The following CFAP65 variants were observed in gnomAD, a reference collection of about 807,000 sequenced individuals.
CFAP65 encodes cilia- and flagella-associated protein 65.
In CFAP65, 155 loss-of-function variants were observed where a neutral mutation model predicts 208.0. That is an observed-to-expected ratio of 0.75 (90% confidence interval 0.65 to 0.85). The LOEUF (loss-of-function observed/expected upper bound fraction) is 0.85, where lower values mean the gene tolerates loss of function less well. Ranked by LOEUF, CFAP65 falls within the 40% of genes least tolerant of loss-of-function variation. The pLI is 0.00. For missense variants in CFAP65, 2,294 were observed against 2,451.3 expected, an observed-to-expected ratio of 0.94 and a Z score of 1.36; for synonymous variants, 970 against 986.3, an observed-to-expected ratio of 0.98 and a Z score of 0.31.
intron 2 of CFAP65, chr2:219,039,338 G>A: frequency 4.6e-6 from 1 of 218,052 alleles, no homozygotes; most frequent in Non-Finnish European, 9.1e-6. Flanking sequence ...CCTTTAGCTG[G>A]CTTCTTTTAG....
intron 15 of CFAP65, 117 bp from the exon 16 acceptor site, chr2:219,023,548 G>A: frequency 1.4e-6 from 1 of 724,816 alleles, no homozygotes; most frequent in Non-Finnish European, 2.4e-6. Context: ...GGCAGTCAAA[G>A]GCCCTCTGCC....
chr2:219,019,190 C>T lies in CFAP65; in HGVS notation c.3474-11G>A, dbSNP rs1324483579. ...GGGATCTGGCTCATGCTGTGAGGAA[C>T]AGAGAAAGGGGTTCAGAGATGGGGA... On this transcript the variant is annotated splice_polypyrimidine_tract_variant and intron_variant, in intron 20 of 34. Coordinates refer to ENST00000341552, the MANE Select transcript of CFAP65 (RefSeq NM_194302.4). 1 of 1,606,836 alleles carries T rather than the reference C, an allele frequency of 6.2e-7. No individual in the cohort carries two copies. The highest frequency in any genetic ancestry group is 8.5e-7 in the Non-Finnish European group (1 of 1,175,650).
intron 15 of CFAP65, 117 bp downstream of exon 15, chr2:219,023,895 TGGA>T: frequency 8.1e-7 from 1 of 1,236,560 alleles, no homozygotes; most frequent in Non-Finnish European, 1.1e-6. Context: ...TGCTACTTCC[TGGA>T]GGAGAAGTGG....
chr2:219,037,409 C>G (rs768928829), intron 4 of CFAP65, among the ~76,000 whole-genome samples: 1 of 152,254 alleles, frequency 6.6e-6, no homozygotes, highest in East Asian at 1.9e-4. Context: ...GAAAAACAAA[C>G]AAACAAACAA....
chr2:219,031,799 C>A lies in CFAP65; in HGVS notation c.646-141G>T. 3 of 933,818 alleles carry A rather than the reference C, an allele frequency of 3.2e-6. No individual in the cohort carries two copies. Among genetic ancestry groups the A allele is most frequent in the Non-Finnish European group, 4.8e-6 (3 of 625,948 alleles). 57.8% of individuals were successfully genotyped at this position (933,818 alleles called of 1,614,324 possible). A position where few individuals can be genotyped will look rare whatever the true frequency, so the allele number is the denominator to read the frequency against. The stretch of plus-strand genomic sequence containing the variant: ...CACCCACGTCAGACTCTGAGGGGAG[C>A]TGGGCACCTATGTTGTCTTGGTCTC... On this transcript the variant is annotated intron_variant, in intron 6 of 34. Coordinates refer to ENST00000341552, the MANE Select transcript of CFAP65 (RefSeq NM_194302.4). This position sits in a 1 kb window ranked among gnomAD's most constrained non-coding sequence, Gnocchi z 5.2.
chr2:219,003,388 C>T lies in CFAP65; in HGVS notation c.5556-116G>A, dbSNP rs1338809347. ...TCTACGGAGATTCCCATTCGACTCC[C>T]CTCATCCACTACACTATGGGGCATT... On this transcript the variant is annotated intron_variant, in intron 33 of 34. Transcript: ENST00000341552. This position sits in a 1 kb window ranked among gnomAD's most constrained non-coding sequence, Gnocchi z 4.4. The T allele has an allele frequency of 5.5e-6, 7 of 1,261,994 alleles. No homozygotes were observed. The highest frequency in any genetic ancestry group is 7.4e-6 in the Non-Finnish European group (7 of 942,590). 78.2% of individuals were successfully genotyped at this position (1,261,994 alleles called of 1,614,324 possible).
chr2:219,013,172 C>T, intron 24 of CFAP65, 87 bp downstream of exon 24: 1 of 937,556 alleles, frequency 1.1e-6, no homozygotes, highest in Non-Finnish European at 1.7e-6. Flanking sequence ...AGGGCCATGT[C>T]TTTGTCACCC....
Position 219,010,652 on chromosome 2 carries a change from TG to T in CFAP65, c.4201del (p.Gln1401ArgfsTer9). ...LGWNSALIHFQGVGYNPHMMG... is the reference protein window; with the variant it reads ...LGWNSALIHFXGVGYNPHMMG... ...CATATGGGGGTTGTAGCCCACTCCC[TG>T]GAAGTGGATGAGGGCCGAGTTCCAT... is the stretch of plus-strand genomic sequence containing the variant. On this transcript the variant is annotated frameshift_variant, in exon 26 of 35. Transcript: ENST00000341552. LOFTEE classifies it high-confidence loss of function. 6.2e-7 allele frequency: 1 copy of T among 1,610,684 alleles called. No individual in the cohort carries two copies.
chr2:219,012,118 A>T (rs973021914), intron 24 of CFAP65, among the ~76,000 whole-genome samples: 60 of 152,212 alleles, frequency 3.9e-4, no homozygotes, highest in Non-Finnish European at 5.4e-4. Flanking sequence ...AGCCTTTTTA[A>T]TTAAGATAAA....
Position 219,029,400 on chromosome 2 carries a change from C to T in CFAP65, c.1650+3G>A. 6.2e-7 allele frequency: 1 copy of T among 1,611,232 alleles called. No individual in the cohort carries two copies. The highest frequency in any genetic ancestry group is 8.5e-7 in the Non-Finnish European group (1 of 1,178,004). On this transcript the variant is annotated splice_donor_region_variant and intron_variant, in intron 11 of 34. Transcript: ENST00000341552. ...TCAGCCTCATGCCCTCCCCACGACT[C>T]ACCTGGTGGTGGATGAGACAGGCCA...
At chr2:219,018,922 A>AG in intron 21 of CFAP65, 129 bp downstream of exon 21, 2 of 1,291,350 alleles carry the variant, frequency 1.5e-6, no homozygotes, top group Non-Finnish European at 2.2e-6. Context: ...ACAGCCGTCA[A>AG]TGTGAGGTCC....
Position 219,031,803 on chromosome 2 carries a change from G to A in CFAP65, c.646-145C>T. ...CACGTCAGACTCTGAGGGGAGCTGG[G>A]CACCTATGTTGTCTTGGTCTCAAAC... On this transcript the variant is annotated intron_variant, in intron 6 of 34. Transcript: ENST00000341552. The surrounding 1 kb of genome is among the most constrained non-coding windows in gnomAD (Gnocchi z 5.2). The A allele has an allele frequency of 1.1e-6, 1 of 903,756 alleles. No individual in the cohort carries two copies. The highest frequency in any genetic ancestry group is 1.7e-6 in the Non-Finnish European group (1 of 599,924). 56.0% of individuals were successfully genotyped at this position (903,756 alleles called of 1,614,324 possible).
rs746585246 is a variant in CFAP65, at chr2:219,024,286, GCC to G, written c.2350-28_2350-27del. The G allele has an allele frequency of 1.9e-6, 3 of 1,596,310 alleles. No homozygotes were observed. In the Admixed American group the frequency reaches 5.0e-5, roughly 27 times the overall value. On this transcript the variant is annotated intron_variant, in intron 14 of 34. Transcript: ENST00000341552. ...CTGGGGGTGGGAGAGGAGGAAAGCG[GCC>G]CCCCGCTCAGACCTCCACCCTGGGA...
In CFAP65 at chr2:219,024,195, GCAGTCTTTGTTGAC is replaced by G; in HGVS notation, c.2401_2414del (p.Val801GlnfsTer39). 6.2e-7 allele frequency: 1 copy of G among 1,614,008 alleles called. No homozygotes were observed. Among genetic ancestry groups the G allele is most frequent in the Non-Finnish European group, 8.5e-7 (1 of 1,180,038 alleles). On this transcript the variant is annotated frameshift_variant, in exon 15 of 35. Coordinates refer to ENST00000341552, the MANE Select transcript of CFAP65 (RefSeq NM_194302.4). LOFTEE classifies it high-confidence loss of function. ...GGGCCAGGCTGAAGGTCAGCAGCTT[GCAGTCTTTGTTGAC>G]CAGGAGCAGGCTGCGGTAGGTGGGC... is the stretch of plus-strand genomic sequence containing the variant.
At chr2:219,039,613 A>T (rs192021497) in intron 2 of CFAP65, among the ~76,000 whole-genome samples, 182 of 152,376 alleles carry the variant, frequency 1.2e-3, no homozygotes, top group African/African-American at 3.7e-3. Flanking sequence ...TAGCCACATT[A>T]AAAAAGTAAA....
At chr2:219,033,411 G>T (rs1267694552) in intron 5 of CFAP65, among the ~76,000 whole-genome samples, 1 of 152,074 alleles carries the variant, frequency 6.6e-6, no homozygotes, top group African/African-American at 2.4e-5. Flanking sequence ...AGGAGGTCAT[G>T]GCTACAGTTA....
Position 219,031,713 on chromosome 2 carries a change from C to A in CFAP65, c.646-55G>T, listed in dbSNP as rs962581705. On this transcript the variant is annotated intron_variant, in intron 6 of 34. Transcript: ENST00000341552. The surrounding 1 kb of genome is among the most constrained non-coding windows in gnomAD (Gnocchi z 5.2). ...ACCCATCAGTGGCATTCAGGGACTG[C>A]ACATCCCGCCCACCCTCAGCCACCC... The A allele has an allele frequency of 3.9e-6, 6 of 1,544,294 alleles. No individual in the cohort carries two copies. The Admixed American group carries it at 7.5e-5, about 19-fold the overall frequency.
rs1196024412 is a variant in CFAP65, at chr2:219,030,208, C to A, written c.1162G>T (p.Val388Leu). The change falls in exon 10 of 35, where the codon GTA becomes TTA. Residue 388 changes from valine (V) to leucine (L), a missense_variant and splice_region_variant. Val to Leu is a conservative substitution (Grantham distance 32, BLOSUM62 1). Around this residue, in one of 2 missense-constraint regions of CFAP65, gnomAD observed 867 missense variants for 1,012.6 expected, o/e 0.86. Transcript: ENST00000341552. ...ATTTCAATCCTGAAGGGGGCATTTA[C>A]CTGTGTGGCCAAGCAGAAGGACAAA... ...RQIRLHNPSA[V>L]NAPFRIEISP... 6.2e-7 allele frequency: 1 copy of A among 1,613,856 alleles called. No individual in the cohort carries two copies. Among genetic ancestry groups the A allele is most frequent in the Non-Finnish European group, 8.5e-7 (1 of 1,179,882 alleles).
intron 4 of CFAP65, among the ~76,000 whole-genome samples, chr2:219,037,355 GC>G (rs2106269159): frequency 6.6e-6 from 1 of 152,330 alleles, no homozygotes; most frequent in Admixed American, 6.5e-5. Context: ...TTGCACCATT[GC>G]ACTCCAGCCC....
Sources: allele counts gnomAD v4.1 joint callset (sites outside exome capture counted in the v4.1 genomes callset), GRCh38; gene constraint gnomAD v4.1.1; regional missense constraint gnomAD v4.1.1; non-coding constraint Gnocchi (gnomAD v3.1); transcripts MANE v1.5; gene names NCBI Gene and HGNC (gene_info 2026-07-23, HGNC 2026-07-21).